CNOT2: variants seen among roughly 807,000 people sequenced by gnomAD.
The protein encoded by CNOT2 is CCR4-NOT transcription complex subunit 2, also known as CC chemokine receptor 4-negative regulator of transcription 2.
In CNOT2, 7 loss-of-function variants were observed where a neutral mutation model predicts 72.1. The observed-to-expected ratio is 0.10, with a 90% CI of 0.06 to 0.18. The LOEUF (loss-of-function observed/expected upper bound fraction) is 0.18, where lower values mean the gene tolerates loss of function less well. CNOT2 is among the 10% of genes least tolerant of loss of function. The probability of loss-of-function intolerance (pLI) is 1.00; values close to 1 mark genes in which losing one functional copy is unlikely to be tolerated. For synonymous variants in CNOT2, 196 were observed against 225.6 expected (o/e 0.87, Z 1.17); for missense variants, 345 against 660.3 (o/e 0.52, Z 5.23).
At position 70,354,761 on chromosome 12, in the gene CNOT2, C is replaced by T. The variant is rs1471739082; in HGVS notation, c.*846C>T. ...TATATGAAAATGGGACATTCTGGAACTGCTGGTCAGGGGACTTTGTCGCCC... is the reference window on the plus strand; with the variant it reads ...TATATGAAAATGGGACATTCTGGAATTGCTGGTCAGGGGACTTTGTCGCCC... On this transcript the variant is annotated 3_prime_UTR_variant, in exon 16 of 16. Transcript: ENST00000229195. 6.6e-6 allele frequency: 1 copy of T among 152,548 alleles called. No individual in the cohort carries two copies. Among genetic ancestry groups the T allele is most frequent in the South Asian group, 2.1e-4 (1 of 4,836 alleles). 9.4% of individuals were successfully genotyped at this position (152,548 alleles called of 1,614,324 possible).
At chr12:70,276,164 AT>A (rs1480559778) in intron 1 of CNOT2, among the ~76,000 whole-genome samples, 1 of 152,006 alleles carries the variant, frequency 6.6e-6, no homozygotes, top group African/African-American at 2.4e-5. Flanking sequence ...TATCTGGTAA[AT>A]TCTTACAGAT....
intron 2 of CNOT2, among the ~76,000 whole-genome samples, chr12:70,278,722 G>A (rs1055823128): frequency 6.6e-6 from 1 of 152,014 alleles, no homozygotes; most frequent in African/African-American, 2.4e-5. Context: ...AGAAACCCAG[G>A]GTGCTTAGAG....
chr12:70,353,654 A>G (rs537104910), intron 15 of CNOT2, among the ~76,000 whole-genome samples, 175 bp from the exon 16 acceptor site: 56 of 152,238 alleles, frequency 3.7e-4, no homozygotes, highest in African/African-American at 1.3e-3. Context: ...TAGAAACTAC[A>G]GCACATTATT....
intron 1 of CNOT2, among the ~76,000 whole-genome samples, chr12:70,272,380 C>T (rs1868256985): frequency 6.6e-6 from 1 of 152,082 alleles, no homozygotes; most frequent in South Asian, 2.1e-4. Context: ...CGTCAAGAAG[C>T]AGTTTGGCAT....
intron 2 of CNOT2, among the ~76,000 whole-genome samples, chr12:70,283,707 C>T (rs17107933): frequency 0.15 from 21,663 of 149,352 alleles, 1,915 homozygotes; most frequent in Admixed American, 0.28. Flanking sequence ...TCAGTTTCCT[C>T]TTCTTTGCTC....
At chr12:70,343,943 T>C (rs189322132) in intron 13 of CNOT2, 185 bp from the exon 14 acceptor site, 114 of 449,202 alleles carry the variant, frequency 2.5e-4, no homozygotes, top group African/African-American at 2.0e-3. Context: ...ACTTCAGTCA[T>C]TTAAATGAGG....
Position 70,353,800 on chromosome 12 carries a change from T to C in CNOT2, c.1537-29T>C. On this transcript the variant is annotated intron_variant, in intron 15 of 15. Coordinates refer to ENST00000229195, the MANE Select transcript of CNOT2 (RefSeq NM_014515.7). ...CAAATGTAAAATGAAAAGGGGAAGA[T>C]ATCTAAATTCTTGAATTTGTTTTTA... 2.5e-6 allele frequency: 4 copies of C among 1,595,234 alleles called. No individual in the cohort carries two copies. The South Asian group carries it at 4.6e-5, about 18-fold the overall frequency.
chr12:70,266,359 G>C lies in CNOT2; in HGVS notation c.-95-11773G>C, dbSNP rs140218471. Among the ~76,000 whole-genome samples the C allele has an allele frequency of 2.7e-3, 415 of 152,226 alleles. 2 individuals carry two copies. The highest frequency in any genetic ancestry group is 9.6e-3 in the African/African-American group (400 of 41,526). ...ACTTGCCTCAAACTCCTGACCTCAGGTGATCCGCCCACCTTGGCCTCCCAA... is the reference window on the plus strand; with the variant it reads ...ACTTGCCTCAAACTCCTGACCTCAGCTGATCCGCCCACCTTGGCCTCCCAA... On this transcript the variant is annotated intron_variant, in intron 1 of 15. Transcript: ENST00000229195.
chr12:70,344,747 C>T (rs1442082624), intron 14 of CNOT2: 3 of 152,038 alleles, frequency 2.0e-5, no homozygotes, highest in African/African-American at 7.2e-5. Context: ...TAATAAGTGC[C>T]AAATTTGTAA....
At chr12:70,325,273 T>C (rs1878912647) in intron 4 of CNOT2, among the ~76,000 whole-genome samples, 1 of 151,818 alleles carries the variant, frequency 6.6e-6, no homozygotes, top group Admixed American at 6.6e-5. Context: ...TGACAGAATT[T>C]TAATACTCTA....
chr12:70,287,214 T>G (rs1004280898), intron 2 of CNOT2, among the ~76,000 whole-genome samples: 1 of 40,376 alleles, frequency 2.5e-5, no homozygotes, highest in Non-Finnish European at 4.6e-5. Context: ...ACCTTATATA[T>G]TTTTTTCCTC....
intron 1 of CNOT2, among the ~76,000 whole-genome samples, chr12:70,259,030 T>G (rs1451191088): frequency 6.6e-6 from 1 of 152,246 alleles, no homozygotes; most frequent in African/African-American, 2.4e-5. Flanking sequence ...AAATATACCT[T>G]GTATATACTC....
chr12:70,330,626 G>A (rs1452170065), intron 6 of CNOT2, 157 bp downstream of exon 6: 9 of 455,014 alleles, frequency 2.0e-5, no homozygotes, highest in Non-Finnish European at 3.1e-5. Flanking sequence ...ATCACAAAAC[G>A]ATACGTTTTC....
chr12:70,265,358 CTG>C (rs1958992712), intron 1 of CNOT2, among the ~76,000 whole-genome samples: 1 of 137,932 alleles, frequency 7.2e-6, no homozygotes. Context: ...CTCTCTTTCA[CTG>C]TGAGTTCATT....
intron 2 of CNOT2, among the ~76,000 whole-genome samples, chr12:70,282,912 T>C (rs138405183): frequency 1.3e-5 from 2 of 152,312 alleles, no homozygotes; most frequent in Non-Finnish European, 2.9e-5. Context: ...TTCCTAGATA[T>C]AGCTAAAGTA....
At chr12:70,335,691 T>C in intron 8 of CNOT2, 128 bp downstream of exon 8, 1 of 627,978 alleles carries the variant, frequency 1.6e-6, no homozygotes, top group African/African-American at 1.9e-5. Context: ...CTAATCAGGT[T>C]AGTGTAATTT....
rs1409503711 is a variant in CNOT2 at position 70,354,964 on chromosome 12, CTT to C, written c.*1051_*1052del. ...TTCTGACCACATAAAGGCTTCTTCT[CTT>C]TGTAATAAAGTAGAAAAGCTCTCCT... On this transcript the variant is annotated 3_prime_UTR_variant, in exon 16 of 16. Transcript: ENST00000229195. 6.6e-6 allele frequency: 1 copy of C among 152,606 alleles called. No individual in the cohort carries two copies. The highest frequency in any genetic ancestry group is 1.5e-5 in the Non-Finnish European group (1 of 68,030). The allele number at this position is 152,606 out of a possible 1,614,324, so 9.5% of individuals were successfully genotyped here. A position where few individuals can be genotyped will look rare whatever the true frequency, so the allele number is the denominator to read the frequency against.
Position 70,354,106 on chromosome 12 carries a change from A to G in CNOT2, c.*191A>G. ...CTTACTAATTATGTGCTGCCCAACA[A>G]CTAAATTTGTAATTTGTTTTTCTCT... On this transcript the variant is annotated 3_prime_UTR_variant, in exon 16 of 16. Coordinates refer to ENST00000229195, the MANE Select transcript of CNOT2 (RefSeq NM_014515.7). 9.5e-7 allele frequency: 1 copy of G among 1,048,052 alleles called. No individual in the cohort carries two copies. The highest frequency in any genetic ancestry group is 1.3e-6 in the Non-Finnish European group (1 of 793,794). 64.9% of individuals were successfully genotyped at this position (1,048,052 alleles called of 1,614,324 possible).
intron 11 of CNOT2, among the ~76,000 whole-genome samples, chr12:70,341,630 G>A (rs948834632): frequency 1.1e-4 from 17 of 152,094 alleles, no homozygotes; most frequent in Non-Finnish European, 2.1e-4. Flanking sequence ...CTGATGTGTC[G>A]TAAGCTCCTA....
Sources: allele counts gnomAD v4.1 joint callset (sites outside exome capture counted in the v4.1 genomes callset), GRCh38; gene constraint gnomAD v4.1.1; transcripts MANE v1.5; gene names NCBI Gene and HGNC (gene_info 2026-07-23, HGNC 2026-07-21).